Variants in SFMBT2 observed in about 807,000 individuals in gnomAD.
SFMBT2 encodes the protein scm-like with four MBT domains protein 2.
A neutral mutation model predicts 110.1 loss-of-function variants in SFMBT2; 38 were observed. The observed-to-expected ratio is 0.35, with a 90% CI of 0.27 to 0.45. SFMBT2 has a LOEUF of 0.45. SFMBT2 is among the 20% of genes least tolerant of loss of function. SFMBT2 has a pLI of 1.00. For synonymous variants in SFMBT2, 425 were observed against 425.4 expected, an observed-to-expected ratio of 1.00 and a Z score of 0.01; for missense variants, 1,011 against 1,094.9, an observed-to-expected ratio of 0.92 and a Z score of 1.08.
At chr10:7,345,935 G>A (rs1167946530) in intron 4 of SFMBT2, among the ~76,000 whole-genome samples, 1 of 152,164 alleles carries the variant, frequency 6.6e-6, no homozygotes, top group African/African-American at 2.4e-5. Flanking sequence ...CACTTCGAGT[G>A]CCAAGAACAG....
chr10:7,316,696 C>A (rs1208402908), intron 4 of SFMBT2, among the ~76,000 whole-genome samples: 1 of 152,210 alleles, frequency 6.6e-6, no homozygotes, highest in Non-Finnish European at 1.5e-5. Flanking sequence ...TAGCATCGTG[C>A]CTGTAAATGA....
intron 6 of SFMBT2, among the ~76,000 whole-genome samples, chr10:7,281,545 G>GT (rs1564420139): frequency 6.6e-6 from 1 of 152,138 alleles, no homozygotes; most frequent in Non-Finnish European, 1.5e-5. Context: ...GTGCTACCAC[G>GT]TAAGTCACAC....
intron 11 of SFMBT2, among the ~76,000 whole-genome samples, chr10:7,207,135 G>C (rs1839162852): frequency 6.6e-6 from 1 of 152,062 alleles, no homozygotes; most frequent in African/African-American, 2.4e-5. Flanking sequence ...CGAGGCAGGA[G>C]GATTGCTTGA....
intron 7 of SFMBT2, among the ~76,000 whole-genome samples, chr10:7,255,688 T>C (rs1173485752): frequency 6.6e-6 from 1 of 152,184 alleles, no homozygotes; most frequent in Non-Finnish European, 1.5e-5. Context: ...TACATCAACT[T>C]CCTTTCTGCA....
At chr10:7,186,421 T>TACACACACACACAC (rs765272388) in intron 16 of SFMBT2, among the ~76,000 whole-genome samples, 3 of 77,448 alleles carry the variant, frequency 3.9e-5, no homozygotes, top group African/African-American at 2.4e-4. Context: ...ATACATACTA[T>TACACACACACACAC]ATATACACAC....
chr10:7,218,113 G>A (rs977025744), intron 11 of SFMBT2, among the ~76,000 whole-genome samples: 15 of 152,066 alleles, frequency 9.9e-5, no homozygotes, highest in Admixed American at 6.6e-4. Context: ...TTTAATGCAC[G>A]AAAATAACTA....
chr10:7,268,633 C>G (rs1025256823), intron 7 of SFMBT2, among the ~76,000 whole-genome samples: 1 of 152,042 alleles, frequency 6.6e-6, no homozygotes, highest in Non-Finnish European at 1.5e-5. Flanking sequence ...GCCTCAGCCT[C>G]CCGAGTAGCT....
intron 2 of SFMBT2, among the ~76,000 whole-genome samples, chr10:7,379,123 C>A (rs1022629872): frequency 6.6e-6 from 1 of 152,068 alleles, no homozygotes; most frequent in Non-Finnish European, 1.5e-5. Flanking sequence ...TCTGTGCCTG[C>A]CACACAGTCT....
At chr10:7,330,961 C>T (rs944102368) in intron 4 of SFMBT2, among the ~76,000 whole-genome samples, 2 of 152,248 alleles carry the variant, frequency 1.3e-5, no homozygotes, top group African/African-American at 4.8e-5. Flanking sequence ...AGCCCAGCTA[C>T]TGTCCAGCTC....
intron 4 of SFMBT2, chr10:7,329,535 C>T: frequency 1.0e-5 from 10 of 985,388 alleles, no homozygotes; most frequent in African/African-American, 1.7e-5. Context: ...CTGCAGGTAC[C>T]TCTGCTGGGT....
chr10:7,235,859 C>T (rs1225342146), intron 9 of SFMBT2, among the ~76,000 whole-genome samples: 1 of 152,096 alleles, frequency 6.6e-6, no homozygotes, highest in Non-Finnish European at 1.5e-5. Context: ...CTGTAAAATA[C>T]ATGTACATTA....
chr10:7,397,047 A>G (rs1282439795), intron 1 of SFMBT2, among the ~76,000 whole-genome samples: 2 of 152,248 alleles, frequency 1.3e-5, no homozygotes, highest in Non-Finnish European at 2.9e-5. Flanking sequence ...TAGAACTTAA[A>G]GTATAATAAA....
At position 7,348,810 on chromosome 10, in the gene SFMBT2, A is replaced by G. The variant is rs142088126; in HGVS notation, c.436+18839T>C. Among the ~76,000 whole-genome samples, 1,401 of 152,294 alleles carry G rather than the reference A, an allele frequency of 9.2e-3. 17 individuals carry two copies. The highest frequency in any genetic ancestry group is 0.041 in the Middle Eastern group (12 of 294). ...CCAATACAAACGCTGTTTGGCTTGGATATAAGCTCTTTGGCACATTTCAGT... is the reference window on the plus strand; with the variant it reads ...CCAATACAAACGCTGTTTGGCTTGGGTATAAGCTCTTTGGCACATTTCAGT... On this transcript the variant is annotated intron_variant, in intron 4 of 20. Transcript: ENST00000397167.
chr10:7,220,309 G>A, intron 11 of SFMBT2, 102 bp downstream of exon 11: 1 of 840,124 alleles, frequency 1.2e-6, no homozygotes, highest in Non-Finnish European at 1.9e-6. Context: ...AAATGAAAGA[G>A]AAGTAAGGCC....
chr10:7,310,614 T>C (rs1842822983), intron 4 of SFMBT2, among the ~76,000 whole-genome samples: 2 of 152,234 alleles, frequency 1.3e-5, no homozygotes, highest in Non-Finnish European at 2.9e-5. Flanking sequence ...GTCTGTCTGA[T>C]TTTTCCTCTT....
At chr10:7,193,449 A>G (rs1838666517) in intron 15 of SFMBT2, among the ~76,000 whole-genome samples, 1 of 152,222 alleles carries the variant, frequency 6.6e-6, no homozygotes, top group African/African-American at 2.4e-5. Context: ...ATTTTCTCCA[A>G]GGACAATGTC....
chr10:7,192,464 A>T (rs1419100697), intron 15 of SFMBT2, among the ~76,000 whole-genome samples: 1 of 152,210 alleles, frequency 6.6e-6, no homozygotes, highest in Non-Finnish European at 1.5e-5. Flanking sequence ...GCCGACTTTC[A>T]GGATTCCGAC....
chr10:7,387,364 C>G (rs925317047), intron 1 of SFMBT2, among the ~76,000 whole-genome samples: 1 of 152,094 alleles, frequency 6.6e-6, no homozygotes, highest in Non-Finnish European at 1.5e-5. Context: ...TTTATTTATG[C>G]CAGACACCAC....
At chr10:7,406,624 C>T (rs757295658) in intron 1 of SFMBT2, among the ~76,000 whole-genome samples, 1 of 152,064 alleles carries the variant, frequency 6.6e-6, no homozygotes, top group East Asian at 1.9e-4. Context: ...AGTCAAGAAT[C>T]GTGAAGCCAG....
Sources: allele counts gnomAD v4.1 joint callset (sites outside exome capture counted in the v4.1 genomes callset), GRCh38; gene constraint gnomAD v4.1.1; transcripts MANE v1.5; gene names NCBI Gene and HGNC (gene_info 2026-07-23, HGNC 2026-07-21).